Variants in PTPRT observed in about 807,000 individuals in gnomAD.
The protein encoded by PTPRT is receptor-type tyrosine-protein phosphatase T.
In PTPRT, 56 loss-of-function variants were observed where a neutral mutation model predicts 176.8. That is an observed-to-expected ratio of 0.32 (90% confidence interval 0.26 to 0.40). PTPRT has a LOEUF of 0.40. Ranked by LOEUF, PTPRT falls within the 10% of genes least tolerant of loss-of-function variation. PTPRT has a pLI of 1.00. For missense variants in PTPRT, 1,540 were observed against 1,908.2 expected (o/e 0.81, Z 3.60); for synonymous variants, 783 against 739.0 (o/e 1.06, Z -0.96).
chr20:42,732,614 A>G (rs1251969852), intron 6 of PTPRT, among the ~76,000 whole-genome samples: 1 of 152,220 alleles, frequency 6.6e-6, no homozygotes, highest in Admixed American at 6.5e-5. Flanking sequence ...CAGAGGTAAA[A>G]GCATCAAATG....
intron 1 of PTPRT, among the ~76,000 whole-genome samples, chr20:43,135,483 T>C (rs566317986): frequency 1.1e-4 from 16 of 152,314 alleles, no homozygotes; most frequent in Non-Finnish European, 1.8e-4. Flanking sequence ...AATATTCACA[T>C]TGATGGTCTC....
intron 1 of PTPRT, among the ~76,000 whole-genome samples, chr20:42,933,130 G>T (rs999030940): frequency 6.6e-6 from 1 of 152,050 alleles, no homozygotes; most frequent in Non-Finnish European, 1.5e-5. Flanking sequence ...CCTCTTTCCT[G>T]CCTTGCACCC....
the PTPRT span, among the ~76,000 whole-genome samples, chr20:42,035,340 G>A: frequency 6.6e-6 from 1 of 152,156 alleles, no homozygotes; most frequent in East Asian, 1.9e-4. Flanking sequence ...AGCTGAGACA[G>A]GGCTGGAATT....
chr20:42,055,810 C>T, the PTPRT span, among the ~76,000 whole-genome samples: 6 of 152,282 alleles, frequency 3.9e-5, no homozygotes, highest in Non-Finnish European at 7.3e-5. Context: ...GAAACTCCAA[C>T]TGGTCTGGAA....
intron 15 of PTPRT, among the ~76,000 whole-genome samples, chr20:42,210,020 C>T (rs1198155598): frequency 2.6e-5 from 4 of 152,122 alleles, no homozygotes; most frequent in Non-Finnish European, 4.4e-5. Context: ...TGTAATCCAG[C>T]ATATAAACAG....
intron 1 of PTPRT, among the ~76,000 whole-genome samples, chr20:43,090,978 C>G (rs1015041939): frequency 6.6e-6 from 1 of 152,184 alleles, no homozygotes; most frequent in Non-Finnish European, 1.5e-5. Flanking sequence ...CGCCTGTAAT[C>G]CCAGAACTTT....
chr20:42,749,320 G>T (rs2076736572), intron 6 of PTPRT, among the ~76,000 whole-genome samples: 1 of 152,064 alleles, frequency 6.6e-6, no homozygotes, highest in Non-Finnish European at 1.5e-5. Context: ...ACTAACCCAG[G>T]CTGTCCTGCT....
intron 16 of PTPRT, among the ~76,000 whole-genome samples, chr20:42,177,397 TA>T (rs1163845357): frequency 1.3e-5 from 2 of 152,236 alleles, no homozygotes; most frequent in Non-Finnish European, 2.9e-5. Flanking sequence ...TAGTACAGCT[TA>T]GTATTGTTCA....
intron 16 of PTPRT, among the ~76,000 whole-genome samples, chr20:42,180,617 G>C (rs930433057): frequency 1.5e-4 from 23 of 152,176 alleles, no homozygotes; most frequent in Non-Finnish European, 3.1e-4. Context: ...TATATTAAAA[G>C]TGCATAATAT....
chr20:42,750,090 G>A (rs1442556814), intron 6 of PTPRT, among the ~76,000 whole-genome samples: 2 of 152,134 alleles, frequency 1.3e-5, no homozygotes, highest in Admixed American at 1.3e-4. Flanking sequence ...TCAAACAATG[G>A]ATTGGATTGG....
At chr20:42,095,768 T>G (rs1985144399) in intron 27 of PTPRT, among the ~76,000 whole-genome samples, 1 of 152,198 alleles carries the variant, frequency 6.6e-6, no homozygotes, top group Non-Finnish European at 1.5e-5. Flanking sequence ...TATGCCTCGC[T>G]TTGTCTGTGT....
intron 12 of PTPRT, among the ~76,000 whole-genome samples, chr20:42,283,201 A>C (rs2057169645): frequency 6.6e-6 from 1 of 152,144 alleles, no homozygotes. Flanking sequence ...GAGTTAATGA[A>C]GAGTGTGCTT....
At chr20:42,364,226 A>G (rs1290808781) in intron 9 of PTPRT, among the ~76,000 whole-genome samples, 1 of 152,178 alleles carries the variant, frequency 6.6e-6, no homozygotes, top group Non-Finnish European at 1.5e-5. Flanking sequence ...TCCATCGATC[A>G]CGTAATCACA....
chr20:43,047,754 TACTC>T (rs1339569114), intron 1 of PTPRT, among the ~76,000 whole-genome samples: 1 of 152,182 alleles, frequency 6.6e-6, no homozygotes, highest in Non-Finnish European at 1.5e-5. Context: ...TTATTCAGCT[TACTC>T]ACTCTGTGCC....
At chr20:42,888,156 T>C (rs930851353) in intron 1 of PTPRT, among the ~76,000 whole-genome samples, 3 of 152,144 alleles carry the variant, frequency 2.0e-5, no homozygotes, top group Admixed American at 2.0e-4. Flanking sequence ...CCCCACTGAG[T>C]ATCTCTACTC....
At chr20:42,817,984 C>T (rs533117071) in intron 2 of PTPRT, among the ~76,000 whole-genome samples, 1 of 152,194 alleles carries the variant, frequency 6.6e-6, no homozygotes, top group African/African-American at 2.4e-5. Context: ...AAGTAGGTTT[C>T]CCCCCAGCAA....
At chr20:42,452,541 G>A (rs1164020364) in intron 8 of PTPRT, among the ~76,000 whole-genome samples, 1 of 152,084 alleles carries the variant, frequency 6.6e-6, no homozygotes, top group Admixed American at 6.5e-5. Context: ...TGGAAAGACA[G>A]GAGAAGCTTT....
At chr20:43,161,266 T>C (rs2014688378) in intron 1 of PTPRT, among the ~76,000 whole-genome samples, 1 of 152,180 alleles carries the variant, frequency 6.6e-6, no homozygotes, top group Non-Finnish European at 1.5e-5. Flanking sequence ...TGAGCACACA[T>C]TATATCTAGC....
chr20:42,749,941 C>T lies in PTPRT; in HGVS notation c.859+6521G>A, dbSNP rs149870509. ...CTTCCAAAACAGGGACGCTGAGGAG[C>T]CCACTGTTGCCATCCTAAAATGTAG... On this transcript the variant is annotated intron_variant, in intron 6 of 30. Coordinates refer to ENST00000373187, the MANE Select transcript of PTPRT (RefSeq NM_007050.6). Among the ~76,000 whole-genome samples the T allele has an allele frequency of 2.6e-5, 4 of 152,262 alleles. No homozygotes were observed. In the South Asian group the frequency reaches 6.2e-4, roughly 24 times the overall value.
Sources: gnomAD v4.1 joint callset for allele counts (sites outside exome capture counted in the v4.1 genomes callset) on GRCh38, gnomAD v4.1.1 for gene constraint, MANE v1.5 for transcripts, NCBI Gene and HGNC (gene_info 2026-07-23, HGNC 2026-07-21) for gene names.